The following RABGAP1L variants were observed in gnomAD, a reference collection of about 807,000 sequenced individuals.
RABGAP1L encodes RAB GTPase activating protein 1 like, also known as rab GTPase-activating protein 1-like.
Under a neutral mutation model 137.7 loss-of-function variants are expected in RABGAP1L, and 63 were observed. The ratio of observed to expected loss-of-function variants is 0.46; its 90% CI spans 0.37 to 0.56. The LOEUF is 0.56. RABGAP1L is among the 20% of genes least tolerant of loss of function. RABGAP1L has a pLI of 0.00. For missense variants in RABGAP1L, 1,095 were observed against 1,244.0 expected, an observed-to-expected ratio of 0.88 and a Z score of 1.80; for synonymous variants, 431 against 433.7, an observed-to-expected ratio of 0.99 and a Z score of 0.08.
intron 11 of RABGAP1L, among the ~76,000 whole-genome samples, chr1:174,348,455 TA>T (rs1212889957): frequency 2.0e-5 from 3 of 150,016 alleles, no homozygotes; most frequent in Admixed American, 6.6e-5. Flanking sequence ...TTTATTTATT[TA>T]TTTTTTTTAA....
intron 19 of RABGAP1L, among the ~76,000 whole-genome samples, chr1:174,900,846 T>G (rs1449934657): frequency 1.3e-5 from 2 of 152,188 alleles, no homozygotes; most frequent in Non-Finnish European, 2.9e-5. Flanking sequence ...CCTGTCTTGC[T>G]AGGTTGACGA....
chr1:174,488,496 T>C (rs891184879), intron 13 of RABGAP1L, among the ~76,000 whole-genome samples: 1 of 152,126 alleles, frequency 6.6e-6, no homozygotes, highest in Admixed American at 6.6e-5. Flanking sequence ...TATTAAATGT[T>C]TTGAAGTAGT....
At chr1:174,788,867 A>G (rs1484036256) in intron 18 of RABGAP1L, among the ~76,000 whole-genome samples, 2 of 152,056 alleles carry the variant, frequency 1.3e-5, no homozygotes, top group Non-Finnish European at 2.9e-5. Flanking sequence ...GTGCACCACC[A>G]CAACTGGCTA....
At chr1:174,522,091 A>T (rs866461302) in intron 13 of RABGAP1L, among the ~76,000 whole-genome samples, 1 of 145,196 alleles carries the variant, frequency 6.9e-6, no homozygotes, top group Non-Finnish European at 1.5e-5. Flanking sequence ...AAAAAAAAAA[A>T]GTAGTAGTTG....
chr1:174,633,447 G>A (rs1403611372), intron 13 of RABGAP1L, among the ~76,000 whole-genome samples: 1 of 151,468 alleles, frequency 6.6e-6, no homozygotes, highest in African/African-American at 2.4e-5. Flanking sequence ...TCGTGAAAAT[G>A]GCCATACTGC....
chr1:174,961,806 A>G (rs1204929617), intron 20 of RABGAP1L, among the ~76,000 whole-genome samples: 1 of 138,230 alleles, frequency 7.2e-6, no homozygotes, highest in Non-Finnish European at 1.5e-5. Flanking sequence ...AGATCATGCC[A>G]CTGCACTCCA....
At chr1:174,781,726 C>G (rs930138677) in intron 18 of RABGAP1L, among the ~76,000 whole-genome samples, 3 of 152,118 alleles carry the variant, frequency 2.0e-5, no homozygotes, top group African/African-American at 4.8e-5. Context: ...TTTAATCCAT[C>G]TTGAATTAAT....
At chr1:174,413,956 A>G (rs1210875377) in intron 13 of RABGAP1L, among the ~76,000 whole-genome samples, 1 of 151,316 alleles carries the variant, frequency 6.6e-6, no homozygotes, top group Non-Finnish European at 1.5e-5. Flanking sequence ...AGGCAGGGAT[A>G]GACCAGCACA....
chr1:174,630,083 A>G (rs1259302933), intron 13 of RABGAP1L, among the ~76,000 whole-genome samples: 6 of 151,034 alleles, frequency 4.0e-5, no homozygotes, highest in Non-Finnish European at 5.9e-5. Context: ...TACCTAATTT[A>G]TTGAGAGTTT....
intron 9 of RABGAP1L, among the ~76,000 whole-genome samples, chr1:174,277,972 T>C (rs1173556652): frequency 7.0e-6 from 1 of 141,890 alleles, no homozygotes; most frequent in African/African-American, 2.7e-5. Context: ...GAGGGTTTCT[T>C]CTAGTGGTGG....
At chr1:174,366,743 C>G (rs548939632) in intron 11 of RABGAP1L, among the ~76,000 whole-genome samples, 5 of 144,132 alleles carry the variant, frequency 3.5e-5, no homozygotes, top group Non-Finnish European at 7.5e-5. Flanking sequence ...CCACTGCACT[C>G]CAGCCTGGGT....
intron 13 of RABGAP1L, among the ~76,000 whole-genome samples, chr1:174,511,581 G>A (rs749547628): frequency 4.7e-5 from 7 of 150,440 alleles, no homozygotes; most frequent in Non-Finnish European, 8.9e-5. Flanking sequence ...CTATGCCCTG[G>A]TTAAAACTAA....
At chr1:174,669,589 T>C (rs1354181245) in intron 14 of RABGAP1L, among the ~76,000 whole-genome samples, 2 of 152,338 alleles carry the variant, frequency 1.3e-5, no homozygotes, top group East Asian at 3.9e-4. Flanking sequence ...TTTCTCTTTA[T>C]TTTCTTCTGG....
At chr1:174,229,059 T>C (rs866350737) in intron 3 of RABGAP1L, among the ~76,000 whole-genome samples, 3 of 152,060 alleles carry the variant, frequency 2.0e-5, no homozygotes. Flanking sequence ...GGGGATGGAA[T>C]TGGGCGAAGC....
chr1:174,757,786 T>C (rs948282516), intron 18 of RABGAP1L, among the ~76,000 whole-genome samples: 2 of 151,832 alleles, frequency 1.3e-5, no homozygotes, highest in East Asian at 1.9e-4. Flanking sequence ...TCTGACACTT[T>C]AGGGGGCCAA....
intron 19 of RABGAP1L, among the ~76,000 whole-genome samples, chr1:174,937,456 T>C (rs1665038478): frequency 1.4e-5 from 2 of 147,836 alleles, no homozygotes; most frequent in South Asian, 4.3e-4. Flanking sequence ...CGCTGATTTT[T>C]TTCATTTTTA....
intron 17 of RABGAP1L, among the ~76,000 whole-genome samples, chr1:174,710,926 G>C (rs1413319295): frequency 1.3e-5 from 2 of 152,234 alleles, no homozygotes; most frequent in Non-Finnish European, 2.9e-5. Context: ...AGGGGGCGGT[G>C]CTCATCGGGG....
intron 13 of RABGAP1L, among the ~76,000 whole-genome samples, chr1:174,611,929 T>G (rs985056735): frequency 2.6e-5 from 4 of 152,244 alleles, no homozygotes; most frequent in African/African-American, 9.6e-5. Flanking sequence ...TTTGCTGAAG[T>G]TGCTTATCAG....
At chr1:174,170,812 A>T (rs879924612) in intron 1 of RABGAP1L, among the ~76,000 whole-genome samples, 5 of 152,060 alleles carry the variant, frequency 3.3e-5, no homozygotes, top group Admixed American at 3.3e-4. Context: ...TGCACATTTC[A>T]TAGGATAGTT....
Sources: allele counts gnomAD v4.1 joint callset (sites outside exome capture counted in the v4.1 genomes callset), GRCh38; gene constraint gnomAD v4.1.1; transcripts MANE v1.5; gene names NCBI Gene and HGNC (gene_info 2026-07-23, HGNC 2026-07-21).